Variants in FAT3 observed in about 807,000 individuals in gnomAD.
FAT3 encodes the protein FAT atypical cadherin 3.
In FAT3, 95 loss-of-function variants were observed where a neutral mutation model predicts 310.2. That is an observed-to-expected ratio of 0.31 (90% CI 0.26 to 0.36). The LOEUF is 0.36. Among genes scored for constraint, FAT3 ranks in the 10% least tolerant of loss-of-function variants. FAT3 has a pLI of 1.00. For synonymous variants in FAT3, 2,314 were observed against 2,192.9 expected, an observed-to-expected ratio of 1.06 and a Z score of -1.54; for missense variants, 5,408 against 5,715.6, an observed-to-expected ratio of 0.95 and a Z score of 1.74.
At chr11:92,325,209 A>G (rs1947732285) in intron 1 of FAT3, among the ~76,000 whole-genome samples, 1 of 152,172 alleles carries the variant, frequency 6.6e-6, no homozygotes, top group Non-Finnish European at 1.5e-5. Context: ...GACAGCTCCA[A>G]ACAGTTGGTG....
At chr11:92,291,210 A>G (rs1401236368) in intron 1 of FAT3, among the ~76,000 whole-genome samples, 1 of 152,008 alleles carries the variant, frequency 6.6e-6, no homozygotes, top group Non-Finnish European at 1.5e-5. Flanking sequence ...CAGTACAAAG[A>G]TGTGTAGGCG....
At chr11:92,703,733 T>G (rs1944173754) in intron 4 of FAT3, among the ~76,000 whole-genome samples, 1 of 152,274 alleles carries the variant, frequency 6.6e-6, no homozygotes, top group African/African-American at 2.4e-5. Context: ...ATCGAATGAC[T>G]GTTCAAGGCC....
chr11:92,844,308 C>T lies in FAT3; in HGVS notation c.10941C>T (p.Asn3647=). ...VEQLVHEMLQ[N]TVTIRFENVS... Reference sequence around the variant, plus strand: ...AGTTGGTGCATGAGATGCTGCAGAACACTGTCACCATCCGCTTTGAAAATG... The same window carrying T: ...AGTTGGTGCATGAGATGCTGCAGAATACTGTCACCATCCGCTTTGAAAATG... The change falls in exon 19 of 28, where the codon AAC becomes AAT. Residue 3647 remains asparagine, a synonymous_variant. Coordinates refer to ENST00000525166, the MANE Select transcript of FAT3 (RefSeq NM_001367949.2). 6.2e-7 allele frequency: 1 copy of T among 1,613,958 alleles called. No individual in the cohort carries two copies. Among genetic ancestry groups the T allele is most frequent in the Non-Finnish European group, 8.5e-7 (1 of 1,179,906 alleles).
At chr11:92,251,264 G>A (rs981856485) in intron 1 of FAT3, among the ~76,000 whole-genome samples, 1 of 152,286 alleles carries the variant, frequency 6.6e-6, no homozygotes, top group African/African-American at 2.4e-5. Context: ...TTGAACCTAA[G>A]GGAGGTTACC....
At chr11:92,482,908 T>A (rs1049126586) in intron 2 of FAT3, among the ~76,000 whole-genome samples, 5 of 152,182 alleles carry the variant, frequency 3.3e-5, no homozygotes, top group African/African-American at 4.8e-5. Context: ...GCCAGCAGAT[T>A]CCAGCTGACC....
intron 3 of FAT3, among the ~76,000 whole-genome samples, chr11:92,597,868 T>C (rs1203981013): frequency 6.6e-6 from 1 of 152,204 alleles, no homozygotes; most frequent in Non-Finnish European, 1.5e-5. Context: ...TTAAAAGATC[T>C]GTATTTCATT....
rs1362949893 is a variant in FAT3 at position 92,800,234 on chromosome 11, C to T, written c.7221C>T (p.Ala2407=). 5 of 1,613,880 alleles carry T rather than the reference C, an allele frequency of 3.1e-6. No homozygotes were observed. Among genetic ancestry groups the T allele is most frequent in the Non-Finnish European group, 2.5e-6 (3 of 1,179,834 alleles). Residue 2407 remains alanine, a synonymous_variant, in exon 10 of 28, where the codon GCC becomes GCT. Transcript: ENST00000525166. ...ATGAGTCATATGTGAGTGAATTAGC[C>T]CCCCGGGGCCATTTTGTAACCTGTG... ...LIYESYVSEL[A]PRGHFVTCVQ...
At chr11:92,727,036 TC>T (rs1472109003) in intron 4 of FAT3, among the ~76,000 whole-genome samples, 3 of 152,110 alleles carry the variant, frequency 2.0e-5, no homozygotes, top group Non-Finnish European at 4.4e-5. Flanking sequence ...ATCTAAAGCT[TC>T]CCTAAAATAT....
intron 18 of FAT3, among the ~76,000 whole-genome samples, chr11:92,842,319 T>C (rs1565641878): frequency 6.6e-6 from 1 of 152,212 alleles, no homozygotes; most frequent in Non-Finnish European, 1.5e-5. Context: ...CCAGTCCTTC[T>C]CTGGCCACAG....
intron 3 of FAT3, among the ~76,000 whole-genome samples, chr11:92,583,751 T>C (rs1938968809): frequency 6.6e-6 from 1 of 152,132 alleles, no homozygotes. Flanking sequence ...GTTCTGTTTG[T>C]TTAAAATTTG....
In FAT3 at chr11:92,354,947, T is replaced by C; in HGVS notation, c.2835T>C (p.Val945=). 6.2e-7 allele frequency: 1 copy of C among 1,613,880 alleles called. No individual in the cohort carries two copies. The highest frequency in any genetic ancestry group is 8.5e-7 in the Non-Finnish European group (1 of 1,179,864). The change falls in exon 2 of 28, where the codon GTT becomes GTC. Residue 945 remains valine, a synonymous_variant. Coordinates refer to ENST00000525166, the MANE Select transcript of FAT3 (RefSeq NM_001367949.2). ...AFIPSSYSVK[V]LEDLPVGTVI... is the part of the protein sequence containing the mutation. ...TTCCCAGTAGCTATAGTGTGAAGGT[T>C]CTTGAAGATCTCCCTGTTGGCACTG...
rs571211976 is a variant in FAT3, at chr11:92,344,143, A to G, written c.-17-7953A>G. Among the ~76,000 whole-genome samples the G allele has an allele frequency of 1.4e-3, 219 of 152,350 alleles. 2 individuals carry two copies. The highest frequency in any genetic ancestry group is 4.6e-3 in the African/African-American group (191 of 41,574). ...TCATTTCTAATAGTAAAAGTAGACA[A>G]TAGGTGCTGTAGTCCTCACTTATCC... On this transcript the variant is annotated intron_variant, in intron 1 of 27. Coordinates refer to ENST00000525166, the MANE Select transcript of FAT3 (RefSeq NM_001367949.2).
chr11:92,446,198 C>A (rs76642176), intron 2 of FAT3, among the ~76,000 whole-genome samples: 1,760 of 152,266 alleles, frequency 0.012, 26 homozygotes, highest in South Asian at 0.016. Context: ...ATAACTACCA[C>A]CTGTTGTGAA....
intron 3 of FAT3, among the ~76,000 whole-genome samples, chr11:92,561,194 C>T (rs1474383063): frequency 1.3e-5 from 2 of 151,906 alleles, no homozygotes; most frequent in Non-Finnish European, 2.9e-5. Context: ...TATAGCATGG[C>T]TGATACTTTT....
chr11:92,837,801 A>G lies in FAT3; in HGVS notation c.10363A>G (p.Ile3455Val). 6.2e-7 allele frequency: 1 copy of G among 1,613,966 alleles called. No homozygotes were observed. Among genetic ancestry groups the G allele is most frequent in the South Asian group, 1.1e-5 (1 of 91,068 alleles). ...TACACCTGCCAACTATACTGCTGTG[A>G]TTCAGGTGAGAAAATCTTGCCTGCC... ...VFTPANYTAV[I>V]QENKPVGTSI... The change falls in exon 17 of 28, where the codon ATT becomes GTT. Residue 3455 changes from isoleucine to valine, a missense_variant. By Grantham distance (29) the Ile-to-Val change is conservative. Around this residue, in one of 5 missense-constraint regions of FAT3, gnomAD observed 4,588 missense variants for 4,809.8 expected, o/e 0.95. Transcript: ENST00000525166.
chr11:92,860,359 C>T (rs138125672), intron 21 of FAT3, among the ~76,000 whole-genome samples: 7 of 152,256 alleles, frequency 4.6e-5, no homozygotes, highest in African/African-American at 1.2e-4. Context: ...CACTCCATGC[C>T]GTTAATCTCC....
intron 3 of FAT3, among the ~76,000 whole-genome samples, chr11:92,672,420 A>G (rs1428215439): frequency 2.0e-5 from 3 of 152,222 alleles, no homozygotes; most frequent in Non-Finnish European, 4.4e-5. Flanking sequence ...GACATTGAAA[A>G]TGTTGAAGTA....
intron 2 of FAT3, among the ~76,000 whole-genome samples, chr11:92,423,570 C>T (rs748178716): frequency 7.2e-5 from 11 of 152,160 alleles, no homozygotes; most frequent in African/African-American, 9.7e-5. Context: ...CACTGCCTCA[C>T]GCTAATTAGG....
chr11:92,580,716 G>A (rs1325720998), intron 3 of FAT3, among the ~76,000 whole-genome samples: 1 of 152,052 alleles, frequency 6.6e-6, no homozygotes, highest in Admixed American at 6.6e-5. Context: ...TGTCGTTGGA[G>A]TCCTGTTTCA....
Sources: gnomAD v4.1 joint callset for allele counts (sites outside exome capture counted in the v4.1 genomes callset) on GRCh38, gnomAD v4.1.1 for gene constraint, gnomAD v4.1.1 regional missense constraint, MANE v1.5 for transcripts, NCBI Gene and HGNC (gene_info 2026-07-23, HGNC 2026-07-21) for gene names.